VNN1: variants seen among roughly 807,000 people sequenced by gnomAD.
The protein encoded by VNN1 is pantetheinase.
Under a neutral mutation model 41.9 loss-of-function variants are expected in VNN1, and 29 were observed. The observed-to-expected ratio is 0.69, with a 90% CI of 0.52 to 0.94. VNN1 has a LOEUF of 0.94. VNN1 is among the 40% of genes least tolerant of loss of function. VNN1 has a pLI of 0.00. For synonymous variants in VNN1, 233 were observed against 224.4 expected (o/e 1.04, Z -0.34); for missense variants, 637 against 621.1 (o/e 1.03, Z -0.27).
At chr6:132,713,756 G>T in intron 1 of VNN1, 70 bp downstream of exon 1, 1 of 1,519,480 alleles carries the variant, frequency 6.6e-7, no homozygotes, top group Non-Finnish European at 9.0e-7. Context: ...CCCTGACAGT[G>T]GCCCTGTCTC....
intron 5 of VNN1, among the ~76,000 whole-genome samples, chr6:132,688,756 G>T (rs1295530241): frequency 6.6e-6 from 1 of 151,926 alleles, no homozygotes; most frequent in African/African-American, 2.4e-5. Context: ...TAATTTTATG[G>T]CAATAAATGT....
intron 1 of VNN1, 106 bp downstream of exon 1, chr6:132,713,719 AC>A (rs1778634004): frequency 3.3e-6 from 4 of 1,222,122 alleles, no homozygotes; most frequent in Non-Finnish European, 4.6e-6. Context: ...CTACTCTGAT[AC>A]ATATATCATC....
At chr6:132,708,323 A>G (rs1358990453) in intron 2 of VNN1, among the ~76,000 whole-genome samples, 1 of 152,176 alleles carries the variant, frequency 6.6e-6, no homozygotes, top group African/African-American at 2.4e-5. Context: ...TCCTCTATTC[A>G]TATGGGTTCT....
intron 1 of VNN1, among the ~76,000 whole-genome samples, chr6:132,712,159 T>G (rs1778611163): frequency 6.6e-6 from 1 of 151,524 alleles, no homozygotes; most frequent in Non-Finnish European, 1.5e-5. Context: ...CTCTCTTTTT[T>G]TTTTTTTTCA....
chr6:132,709,217 ATGAT>A (rs950188056), intron 2 of VNN1, among the ~76,000 whole-genome samples: 9 of 95,622 alleles, frequency 9.4e-5, no homozygotes, highest in Admixed American at 7.5e-4. Flanking sequence ...TGATAGATAG[ATGAT>A]AGATAGATAG....
intron 2 of VNN1, among the ~76,000 whole-genome samples, chr6:132,707,237 A>AC (rs1778532176): frequency 6.6e-6 from 1 of 151,746 alleles, no homozygotes; most frequent in South Asian, 2.1e-4. Flanking sequence ...AAAAAAAAAA[A>AC]AAAGCAAATC....
intron 2 of VNN1, among the ~76,000 whole-genome samples, chr6:132,700,341 C>T (rs1378852695): frequency 6.6e-6 from 1 of 152,048 alleles, no homozygotes; most frequent in African/African-American, 2.4e-5. Context: ...ATTGTCTGCC[C>T]AAACCCTCTA....
At chr6:132,683,363 T>G (rs1432546021) in intron 6 of VNN1, 41 bp from the exon 7 acceptor site, 1 of 1,569,112 alleles carries the variant, frequency 6.4e-7, no homozygotes, top group Middle Eastern at 1.7e-4. Flanking sequence ...ACCTTCAAGT[T>G]TTACAATCCC....
intron 5 of VNN1, 93 bp from the exon 6 acceptor site, chr6:132,684,598 T>A: frequency 8.1e-7 from 1 of 1,235,876 alleles, no homozygotes; most frequent in Non-Finnish European, 1.1e-6. Context: ...TGTACACATA[T>A]CAAAACGTCA....
chr6:132,683,431 T>G, intron 6 of VNN1, 109 bp from the exon 7 acceptor site: 464 of 993,716 alleles, frequency 4.7e-4, no homozygotes, highest in Non-Finnish European at 5.8e-4. Flanking sequence ...ACTGGCCAAA[T>G]TCCATTCTAT....
intron 3 of VNN1, 54 bp from the exon 4 acceptor site, chr6:132,693,369 A>G: frequency 6.7e-7 from 1 of 1,493,214 alleles, no homozygotes; most frequent in Non-Finnish European, 9.0e-7. Context: ...GTTGATCTGG[A>G]CATCACAGTG....
At chr6:132,708,412 T>TA (rs1778549556) in intron 2 of VNN1, among the ~76,000 whole-genome samples, 1 of 152,134 alleles carries the variant, frequency 6.6e-6, no homozygotes, top group Non-Finnish European at 1.5e-5. Flanking sequence ...TCTGGAACGA[T>TA]ATGACATATA....
At chr6:132,699,992 T>A (rs1778428121) in intron 2 of VNN1, among the ~76,000 whole-genome samples, 1 of 152,212 alleles carries the variant, frequency 6.6e-6, no homozygotes, top group Non-Finnish European at 1.5e-5. Context: ...TTATTACACA[T>A]CTTGCTGTGT....
Position 132,682,935 on chromosome 6 carries a change from T to C in VNN1, c.*205A>G, listed in dbSNP as rs185536951. On this transcript the variant is annotated 3_prime_UTR_variant, in exon 7 of 7. Coordinates refer to ENST00000367928, the MANE Select transcript of VNN1 (RefSeq NM_004666.3). ...TTAGCTCACGTCCAAGAAAGACCAA[T>C]GTTCAAATATAGTTTTTTAAATAAA... 1.1e-3 allele frequency: 396 copies of C among 362,992 alleles called. 4 individuals carry two copies. In the East Asian group the frequency reaches 0.018, roughly 16 times the overall value. The allele number at this position is 362,992 out of a possible 1,614,324, so 22.5% of individuals were successfully genotyped here.
chr6:132,684,138 A>G (rs953561037), intron 6 of VNN1, among the ~76,000 whole-genome samples, 197 bp downstream of exon 6: 4 of 152,152 alleles, frequency 2.6e-5, no homozygotes. Flanking sequence ...TTTTATTCTG[A>G]AGGACACAGT....
intron 5 of VNN1, among the ~76,000 whole-genome samples, chr6:132,686,277 T>C (rs533101281): frequency 1.2e-4 from 19 of 152,206 alleles, no homozygotes; most frequent in African/African-American, 4.3e-4. Flanking sequence ...GGAAACCCCA[T>C]CTGTACCAAA....
At chr6:132,693,399 A>C in intron 3 of VNN1, 84 bp from the exon 4 acceptor site, 281 of 1,320,014 alleles carry the variant, frequency 2.1e-4, no homozygotes, top group Non-Finnish European at 2.6e-4. Flanking sequence ...GTACAAGCTC[A>C]CATCTTAGTG....
chr6:132,685,019 G>T (rs1488689710), intron 5 of VNN1, among the ~76,000 whole-genome samples: 2 of 152,218 alleles, frequency 1.3e-5, no homozygotes, highest in Non-Finnish European at 2.9e-5. Context: ...TTTAAAATGT[G>T]TTTAAAGGTT....
intron 4 of VNN1, among the ~76,000 whole-genome samples, chr6:132,692,819 A>C (rs1318407336): frequency 1.3e-5 from 2 of 152,202 alleles, no homozygotes; most frequent in Non-Finnish European, 2.9e-5. Context: ...ATTTTGAAAA[A>C]AAAATCAAGT....
Sources: allele counts gnomAD v4.1 joint callset (sites outside exome capture counted in the v4.1 genomes callset), GRCh38; gene constraint gnomAD v4.1.1; transcripts MANE v1.5; gene names NCBI Gene and HGNC (gene_info 2026-07-23, HGNC 2026-07-21).